GAB2: variants seen among roughly 807,000 people sequenced by gnomAD.
The protein encoded by GAB2 is GRB2 associated binding protein 2, also known as GRB2-associated-binding protein 2.
A neutral mutation model predicts 65.5 loss-of-function variants in GAB2; 26 were observed. The observed-to-expected ratio is 0.40, with a 90% confidence interval of 0.29 to 0.55. The LOEUF is 0.55. Among genes scored for constraint, GAB2 ranks in the 20% least tolerant of loss-of-function variants. The pLI, the probability that GAB2 is intolerant of heterozygous loss-of-function variation, is 0.53. For synonymous variants in GAB2, 321 were observed against 329.6 expected, an observed-to-expected ratio of 0.97 and a Z score of 0.28; for missense variants, 884 against 875.8, an observed-to-expected ratio of 1.01 and a Z score of -0.12.
intron 1 of GAB2, among the ~76,000 whole-genome samples, chr11:78,415,727 G>A (rs1437290393): frequency 1.3e-5 from 2 of 152,190 alleles, no homozygotes; most frequent in Non-Finnish European, 2.9e-5. Context: ...AGTGAAAAAG[G>A]TGCTTGACCC....
At chr11:78,324,176 A>AT (rs1855781268) in intron 1 of GAB2, among the ~76,000 whole-genome samples, 1 of 152,096 alleles carries the variant, frequency 6.6e-6, no homozygotes, top group African/African-American at 2.4e-5. Flanking sequence ...GTCACTGGCC[A>AT]TAAGTACACA....
intron 1 of GAB2, among the ~76,000 whole-genome samples, chr11:78,351,055 T>C (rs1157101133): frequency 2.0e-5 from 3 of 152,134 alleles, no homozygotes; most frequent in East Asian, 1.9e-4. Context: ...CTGCAAACAA[T>C]TGGGTACTGT....
chr11:78,241,649 CAATG>C (rs1865138469), intron 3 of GAB2, among the ~76,000 whole-genome samples: 1 of 149,862 alleles, frequency 6.7e-6, no homozygotes. Flanking sequence ...CTGAAGAATT[CAATG>C]AATGAAATAA....
At chr11:78,406,064 G>A (rs1424971146) in intron 1 of GAB2, among the ~76,000 whole-genome samples, 2 of 152,170 alleles carry the variant, frequency 1.3e-5, no homozygotes, top group South Asian at 2.1e-4. Context: ...TGCTAGGGTG[G>A]TGTCAAAGAA....
At chr11:78,404,500 T>C (rs527247100) in intron 1 of GAB2, among the ~76,000 whole-genome samples, 9 of 152,328 alleles carry the variant, frequency 5.9e-5, no homozygotes, top group Middle Eastern at 3.4e-3. Flanking sequence ...TGAGCCAAGA[T>C]TGTACCACTA....
chr11:78,366,353 G>A (rs1484828132), intron 1 of GAB2, among the ~76,000 whole-genome samples: 1 of 152,106 alleles, frequency 6.6e-6, no homozygotes, highest in Admixed American at 6.6e-5. Context: ...GCCGAGGCAG[G>A]TGGATCACCT....
chr11:78,238,061 G>A (rs1865028777), intron 3 of GAB2, among the ~76,000 whole-genome samples: 1 of 152,144 alleles, frequency 6.6e-6, no homozygotes, highest in South Asian at 2.1e-4. Flanking sequence ...ACATCGAGAA[G>A]AATAGCTAAT....
At chr11:78,232,989 AAC>A (rs1434789706) in intron 3 of GAB2, among the ~76,000 whole-genome samples, 1 of 151,968 alleles carries the variant, frequency 6.6e-6, no homozygotes, top group African/African-American at 2.4e-5. Flanking sequence ...TGTTAGAGGA[AAC>A]ACAGGATTAA....
At chr11:78,366,781 A>C (rs1565174859) in intron 1 of GAB2, among the ~76,000 whole-genome samples, 1 of 149,124 alleles carries the variant, frequency 6.7e-6, no homozygotes, top group Non-Finnish European at 1.5e-5. Context: ...GGCGAATAGA[A>C]TGTAATTGGG....
At chr11:78,220,028 A>T (rs752704551) in intron 9 of GAB2, among the ~76,000 whole-genome samples, 1 of 152,138 alleles carries the variant, frequency 6.6e-6, no homozygotes, top group Non-Finnish European at 1.5e-5. Flanking sequence ...TTCACTTTGT[A>T]ACCTTAGGAC....
chr11:78,250,301 G>A lies in GAB2; in HGVS notation c.476C>T (p.Ser159Leu), dbSNP rs779779834. The A allele has an allele frequency of 1.9e-6, 3 of 1,613,798 alleles. No individual in the cohort carries two copies. In the Admixed American group the frequency reaches 5.0e-5, roughly 27 times the overall value. Residue 159 changes from serine to leucine, a missense_variant, in exon 3 of 10, where the codon TCA (serine) becomes TTA (leucine). Coordinates refer to ENST00000361507, the MANE Select transcript of GAB2 (RefSeq NM_080491.3). ...TGGCTGGCTGGAGTGTGATGGGGCT[G>A]AGGACTTGCGCTCTCGGAGAAGGTG... ...SQHLLRERKS[S>L]APSHSSQPTL... is the part of the protein sequence containing the mutation.
chr11:78,386,461 C>A (rs1049729239), intron 1 of GAB2, among the ~76,000 whole-genome samples: 3 of 152,222 alleles, frequency 2.0e-5, no homozygotes, highest in African/African-American at 4.8e-5. Flanking sequence ...ATCCAGGTAT[C>A]TGTTTCTTTG....
At chr11:78,312,870 A>G (rs1248520494) in intron 1 of GAB2, among the ~76,000 whole-genome samples, 1 of 152,188 alleles carries the variant, frequency 6.6e-6, no homozygotes, top group Non-Finnish European at 1.5e-5. Flanking sequence ...GACCTGCCCC[A>G]CGTGTCTCAG....
chr11:78,385,083 T>C (rs1856749411), intron 1 of GAB2, among the ~76,000 whole-genome samples: 1 of 152,224 alleles, frequency 6.6e-6, no homozygotes, highest in Non-Finnish European at 1.5e-5. Context: ...TATCGGTTTC[T>C]GCACCTGAAA....
intron 1 of GAB2, among the ~76,000 whole-genome samples, chr11:78,310,531 GAA>G (rs886987958): frequency 1.4e-5 from 2 of 140,990 alleles, no homozygotes; most frequent in African/African-American, 2.6e-5. Context: ...AAAAAAAAAA[GAA>G]AAAAAAATCA....
chr11:78,375,650 T>C (rs1184861183), intron 1 of GAB2, among the ~76,000 whole-genome samples: 2 of 152,026 alleles, frequency 1.3e-5, no homozygotes, highest in South Asian at 2.1e-4. Flanking sequence ...TAGAATCAGG[T>C]AGTAATCTGA....
At chr11:78,221,291 C>G (rs1864410772) in intron 8 of GAB2, among the ~76,000 whole-genome samples, 1 of 152,214 alleles carries the variant, frequency 6.6e-6, no homozygotes, top group African/African-American at 2.4e-5. Flanking sequence ...GTTGATAGCT[C>G]TATTATGGCC....
rs151041580 is a variant in GAB2 at position 78,385,956 on chromosome 11, T to A, written c.75+31690A>T. On this transcript the variant is annotated intron_variant, in intron 1 of 9. Coordinates refer to ENST00000361507, the MANE Select transcript of GAB2 (RefSeq NM_080491.3). Reference sequence around the variant, plus strand: ...TATTTTATTAATAAAAAAATGAAAGTGTAGCTATGAGATATCTTTACCTGT... The same window carrying A: ...TATTTTATTAATAAAAAAATGAAAGAGTAGCTATGAGATATCTTTACCTGT... Among the ~76,000 whole-genome samples, 30 of 152,292 alleles carry A rather than the reference T, an allele frequency of 2.0e-4. No homozygotes were observed. The East Asian group carries it at 3.9e-3, about 20-fold the overall frequency.
intron 1 of GAB2, among the ~76,000 whole-genome samples, chr11:78,284,752 C>T (rs1866429280): frequency 6.6e-6 from 1 of 152,046 alleles, no homozygotes; most frequent in Non-Finnish European, 1.5e-5. Flanking sequence ...CAAAAGATAT[C>T]AATTTTTATG....
Sources: allele counts gnomAD v4.1 joint callset (sites outside exome capture counted in the v4.1 genomes callset), GRCh38; gene constraint gnomAD v4.1.1; transcripts MANE v1.5; gene names NCBI Gene and HGNC (gene_info 2026-07-23, HGNC 2026-07-21).